Variants in ANK3 observed in about 807,000 individuals in gnomAD.
ANK3 encodes ankyrin-3.
Under a neutral mutation model 370.9 loss-of-function variants are expected in ANK3, and 57 were observed. The ratio of observed to expected loss-of-function variants is 0.15; its 90% CI spans 0.12 to 0.19. The LOEUF (loss-of-function observed/expected upper bound fraction) is 0.19. Among genes scored for constraint, ANK3 ranks in the 10% least tolerant of loss-of-function variants. The pLI, the probability that ANK3 is intolerant of heterozygous loss-of-function variation, is 1.00. For missense variants in ANK3, 4,439 were observed against 5,302.1 expected, an observed-to-expected ratio of 0.84 and a Z score of 5.06; for synonymous variants, 1,929 against 1,946.3, an observed-to-expected ratio of 0.99 and a Z score of 0.23.
intron 42 of ANK3, 69 bp downstream of exon 42, chr10:60,055,589 C>G: frequency 1.3e-6 from 2 of 1,500,658 alleles, no homozygotes; most frequent in South Asian, 1.5e-5. Flanking sequence ...GCTGCAAGAT[C>G]AATCCAAAGA....
At chr10:60,285,170 C>T (rs915875306) in intron 1 of ANK3, among the ~76,000 whole-genome samples, 8 of 152,166 alleles carry the variant, frequency 5.3e-5, no homozygotes, top group Admixed American at 1.3e-4. Context: ...TATCTATGTA[C>T]CTCAGTTTTC....
intron 2 of ANK3, among the ~76,000 whole-genome samples, chr10:60,431,740 A>G (rs184527607): frequency 6.6e-6 from 1 of 152,242 alleles, no homozygotes; most frequent in Non-Finnish European, 1.5e-5. Flanking sequence ...TGGCAAGTGT[A>G]TACCTATGTA....
intron 16 of ANK3, among the ~76,000 whole-genome samples, chr10:60,193,482 C>T (rs1372214446): frequency 6.8e-6 from 1 of 146,508 alleles, no homozygotes; most frequent in Non-Finnish European, 1.5e-5. Context: ...ATGAAGAAAC[C>T]CCATCTCTAC....
intron 41 of ANK3, among the ~76,000 whole-genome samples, 155 bp from the exon 42 acceptor site, chr10:60,056,191 T>C (rs887666411): frequency 2.8e-4 from 42 of 152,198 alleles, no homozygotes; most frequent in African/African-American, 9.2e-4. Context: ...AAAATGTAGC[T>C]GGGCGCAGTG....
chr10:60,221,103 G>A (rs538956785), intron 8 of ANK3, among the ~76,000 whole-genome samples: 19 of 137,192 alleles, frequency 1.4e-4, no homozygotes, highest in Admixed American at 7.5e-5. Flanking sequence ...TTTTTGAGAT[G>A]GAGTCTCGCT....
chr10:60,074,377 T>C lies in ANK3; in HGVS notation c.6504A>G (p.Glu2168=). ...IPPVITETRT[E]VVHVIRSYDP... ...CATAGCTCCTGATAACATGAACCAC[T>C]TCAGTTCTTGTTTCTGTAATGACAG... The change falls in exon 37 of 44, where the codon GAA becomes GAG. Residue 2168 remains glutamate (E), a synonymous_variant. Coordinates refer to ENST00000280772, the MANE Select transcript of ANK3 (RefSeq NM_020987.5). 1 of 1,614,082 alleles carries C rather than the reference T, an allele frequency of 6.2e-7. No individual in the cohort carries two copies. Among genetic ancestry groups the C allele is most frequent in the Non-Finnish European group, 8.5e-7 (1 of 1,179,988 alleles).
intron 18 of ANK3, among the ~76,000 whole-genome samples, chr10:60,176,349 A>G (rs1351203894): frequency 7.6e-6 from 1 of 131,722 alleles, no homozygotes; most frequent in Non-Finnish European, 1.6e-5. Context: ...TGGGCAACAG[A>G]GTGAGAGACT....
chr10:60,087,270 C>G (rs1032039606), intron 29 of ANK3, among the ~76,000 whole-genome samples: 1 of 152,104 alleles, frequency 6.6e-6, no homozygotes, highest in African/African-American at 2.4e-5. Context: ...CAACTCATAC[C>G]CACATAAAAA....
At chr10:60,660,797 A>AAT (rs1212136093) in intron 1 of ANK3, among the ~76,000 whole-genome samples, 2 of 152,174 alleles carry the variant, frequency 1.3e-5, no homozygotes, top group Non-Finnish European at 2.9e-5. Context: ...ATTAGAGGCC[A>AAT]ATAACATTGT....
chr10:60,091,738 T>G (rs1016485915), intron 28 of ANK3, among the ~76,000 whole-genome samples: 4 of 150,200 alleles, frequency 2.7e-5, no homozygotes, highest in South Asian at 4.2e-4. Context: ...ACATTTTTGT[T>G]TTTTTTTTTT....
chr10:60,530,100 T>C (rs1224408767), intron 2 of ANK3, among the ~76,000 whole-genome samples: 1 of 152,140 alleles, frequency 6.6e-6, no homozygotes, highest in Non-Finnish European at 1.5e-5. Flanking sequence ...CCCTGCCTCC[T>C]TTCCCCCCAC....
At chr10:60,378,217 T>C (rs2061072736) in intron 1 of ANK3, among the ~76,000 whole-genome samples, 1 of 152,182 alleles carries the variant, frequency 6.6e-6, no homozygotes, top group Non-Finnish European at 1.5e-5. Flanking sequence ...TCAGCTGAAG[T>C]AGTTTTTTTG....
intron 16 of ANK3, among the ~76,000 whole-genome samples, chr10:60,195,768 A>G (rs2096577139): frequency 6.6e-6 from 1 of 152,198 alleles, no homozygotes; most frequent in Non-Finnish European, 1.5e-5. Context: ...ACTAAATGCA[A>G]ATAAACAACT....
intron 1 of ANK3, among the ~76,000 whole-genome samples, chr10:60,707,959 C>T (rs537832820): frequency 1.2e-4 from 19 of 152,192 alleles, no homozygotes; most frequent in African/African-American, 3.6e-4. Context: ...CCTGCTAGTG[C>T]GCTTCCCGCC....
chr10:60,502,500 T>C (rs2133146155), intron 2 of ANK3, among the ~76,000 whole-genome samples: 1 of 152,268 alleles, frequency 6.6e-6, no homozygotes, highest in South Asian at 2.1e-4. Flanking sequence ...ATGTAAAACA[T>C]TTGGCAGAAT....
intron 1 of ANK3, among the ~76,000 whole-genome samples, chr10:60,306,239 T>C (rs1044202981): frequency 2.0e-5 from 3 of 152,008 alleles, no homozygotes; most frequent in African/African-American, 7.2e-5. Flanking sequence ...CCAAAGCCCA[T>C]TATATCACCC....
chr10:60,167,202 T>C (rs2095646676), intron 21 of ANK3, among the ~76,000 whole-genome samples: 1 of 152,204 alleles, frequency 6.6e-6, no homozygotes, highest in African/African-American at 2.4e-5. Flanking sequence ...TCCACTGCTA[T>C]ACTTTTTCAT....
At chr10:60,285,456 C>T (rs550945701) in intron 1 of ANK3, among the ~76,000 whole-genome samples, 1 of 152,268 alleles carries the variant, frequency 6.6e-6, no homozygotes, top group African/African-American at 2.4e-5. Flanking sequence ...CATCAAGTTC[C>T]ATGACTTTTA....
intron 2 of ANK3, among the ~76,000 whole-genome samples, chr10:60,487,897 C>T (rs7912472): frequency 2.0e-5 from 3 of 151,728 alleles, no homozygotes; most frequent in East Asian, 1.9e-4. Context: ...TATTTTTAGT[C>T]GAGACGAGGT....
Sources: gnomAD v4.1 joint callset for allele counts (sites outside exome capture counted in the v4.1 genomes callset) on GRCh38, gnomAD v4.1.1 for gene constraint, MANE v1.5 for transcripts, NCBI Gene and HGNC (gene_info 2026-07-23, HGNC 2026-07-21) for gene names.